FGF1: variants seen among roughly 807,000 people sequenced by gnomAD.
FGF1 encodes the protein fibroblast growth factor 1, also known as beta-endothelial cell growth factor.
A neutral mutation model predicts 13.4 loss-of-function variants in FGF1; 9 were observed. The ratio of observed to expected loss-of-function variants is 0.67; its 90% CI spans 0.40 to 1.17. The LOEUF is 1.17. Among genes scored for constraint, FGF1 ranks in the 50% most tolerant of loss-of-function variants. FGF1 has a pLI of 0.01. For missense variants in FGF1, 156 were observed against 192.7 expected, an observed-to-expected ratio of 0.81 and a Z score of 1.13; for synonymous variants, 93 against 79.0, an observed-to-expected ratio of 1.18 and a Z score of -0.94.
At chr5:142,676,866 C>G (rs1379266235) in intron 1 of FGF1, among the ~76,000 whole-genome samples, 1 of 152,166 alleles carries the variant, frequency 6.6e-6, no homozygotes, top group Non-Finnish European at 1.5e-5. Context: ...CACCCTGCAT[C>G]TCTGCCATTT....
chr5:142,613,833 T>C (rs953586941), intron 2 of FGF1, 126 bp downstream of exon 2: 11 of 1,000,788 alleles, frequency 1.1e-5, no homozygotes, highest in Non-Finnish European at 1.6e-5. Context: ...ACTCCACCTC[T>C]GAATGTGTCA....
intron 2 of FGF1, among the ~76,000 whole-genome samples, chr5:142,695,413 C>T (rs781491555): frequency 5.9e-5 from 9 of 151,948 alleles, no homozygotes; most frequent in Non-Finnish European, 1.2e-4. Context: ...AAAATCCTGT[C>T]TCTACTAAAA....
intron 2 of FGF1, among the ~76,000 whole-genome samples, chr5:142,611,581 A>C (rs1382536371): frequency 6.6e-6 from 1 of 152,212 alleles, no homozygotes; most frequent in Non-Finnish European, 1.5e-5. Context: ...CCAGGTAGAA[A>C]GGGGCAGAGT....
In FGF1 at chr5:142,605,341, A is replaced by C. The variant is rs561336810; in HGVS notation, c.170-4536T>G. Among the ~76,000 whole-genome samples the C allele has an allele frequency of 4.2e-5, 6 of 142,342 alleles. No homozygotes were observed. The South Asian group carries it at 1.3e-3, about 32-fold the overall frequency. The allele number at this position is 142,342 out of a possible 152,430, so 93.4% of individuals were successfully genotyped here. On this transcript the variant is annotated intron_variant, in intron 2 of 3. Coordinates refer to ENST00000337706, the MANE Select transcript of FGF1 (RefSeq NM_000800.5). Reference sequence around the variant, plus strand: ...TCATCATGTTGGCCAGGATGGTCTTAAACTCCTGACTTCAGGCGATCCACC... The same window carrying C: ...TCATCATGTTGGCCAGGATGGTCTTCAACTCCTGACTTCAGGCGATCCACC...
At chr5:142,633,260 C>T (rs1270233711) in intron 1 of FGF1, among the ~76,000 whole-genome samples, 1 of 152,156 alleles carries the variant, frequency 6.6e-6, no homozygotes, top group African/African-American at 2.4e-5. Context: ...TATCCCATTA[C>T]TTCCTTGGGA....
chr5:142,602,216 G>A (rs534927039), intron 2 of FGF1, among the ~76,000 whole-genome samples: 3 of 149,742 alleles, frequency 2.0e-5, no homozygotes, highest in Non-Finnish European at 4.4e-5. Flanking sequence ...TTGTTCTGTT[G>A]CCCAGGCTGA....
rs903644629 is a variant in FGF1, at chr5:142,678,022, C to T, written c.-35+7935G>A. Among the ~76,000 whole-genome samples the T allele has an allele frequency of 2.6e-5, 4 of 152,232 alleles. 1 individual carries two copies. On this transcript the variant is annotated intron_variant, in intron 1 of 3. Transcript: ENST00000337706. Reference sequence around the variant, plus strand: ...GCTACCTGAAGAACTGGGGGGAAAGCATCCCAGGCAGATGAAACAGCAGTT... The same window carrying T: ...GCTACCTGAAGAACTGGGGGGAAAGTATCCCAGGCAGATGAAACAGCAGTT...
intron 1 of FGF1, among the ~76,000 whole-genome samples, chr5:142,617,783 G>T (rs1377177086): frequency 6.6e-6 from 1 of 152,110 alleles, no homozygotes; most frequent in Non-Finnish European, 1.5e-5. Context: ...AACCCCAGGG[G>T]CATGAAAAGC....
intron 1 of FGF1, among the ~76,000 whole-genome samples, chr5:142,615,350 A>G (rs1760010106): frequency 6.6e-6 from 1 of 152,080 alleles, no homozygotes; most frequent in Non-Finnish European, 1.5e-5. Flanking sequence ...TAGCCTCCCA[A>G]GTAGCTGAGA....
upstream of FGF1, among the ~76,000 whole-genome samples, chr5:142,688,969 A>C (rs1751703118): frequency 6.6e-6 from 1 of 152,244 alleles, no homozygotes; most frequent in Admixed American, 6.5e-5. Context: ...AATCAGACAT[A>C]TAACTATCAC....
upstream of FGF1, among the ~76,000 whole-genome samples, chr5:142,689,705 T>TC (rs1157881365): frequency 6.7e-6 from 1 of 149,238 alleles, no homozygotes; most frequent in Non-Finnish European, 1.5e-5. Flanking sequence ...TTTTTTTTTT[T>TC]TTTTTTTTTC....
intron 1 of FGF1, among the ~76,000 whole-genome samples, chr5:142,675,863 C>T (rs114758896): frequency 3.0e-3 from 458 of 152,292 alleles, no homozygotes; most frequent in African/African-American, 0.01. Flanking sequence ...ATTTTCAAAA[C>T]GTACATATAT....
rs556769259 is a variant in FGF1 at position 142,640,431 on chromosome 5, G to T, written c.-34-26270C>A. 1.1e-4 allele frequency among the ~76,000 whole-genome samples: 17 copies of T among 149,996 alleles called. 1 individual carries two copies. The highest frequency in any genetic ancestry group is 3.3e-4 in the Admixed American group (5 of 15,060). On this transcript the variant is annotated intron_variant, in intron 1 of 3. Coordinates refer to ENST00000337706, the MANE Select transcript of FGF1 (RefSeq NM_000800.5). ...CACCAGGAGGTGGAGTATGGTGGGGGGGGGGGTCTCTCTGAGAAGCGGCAT... is the reference window on the plus strand; with the variant it reads ...CACCAGGAGGTGGAGTATGGTGGGGTGGGGGGTCTCTCTGAGAAGCGGCAT...
chr5:142,670,177 C>T (rs1771182371), intron 1 of FGF1, among the ~76,000 whole-genome samples: 1 of 152,174 alleles, frequency 6.6e-6, no homozygotes, highest in Non-Finnish European at 1.5e-5. Context: ...TTTCCTACTT[C>T]CCAGCTAGGA....
At chr5:142,681,617 T>G (rs1298238015) in intron 1 of FGF1, among the ~76,000 whole-genome samples, 1 of 152,168 alleles carries the variant, frequency 6.6e-6, no homozygotes, top group Non-Finnish European at 1.5e-5. Flanking sequence ...TATCATCTGG[T>G]GCTGAATTCC....
intron 2 of FGF1, among the ~76,000 whole-genome samples, chr5:142,694,129 ATC>A (rs899404997): frequency 6.8e-6 from 1 of 147,520 alleles, no homozygotes; most frequent in African/African-American, 2.5e-5. Context: ...CTATCTATCT[ATC>A]TATCTATGTC....
At chr5:142,637,479 T>TC (rs1764467709) in intron 1 of FGF1, among the ~76,000 whole-genome samples, 1 of 151,636 alleles carries the variant, frequency 6.6e-6, no homozygotes. Context: ...GCCACCACAC[T>TC]CAGCTAATTT....
intron 1 of FGF1, among the ~76,000 whole-genome samples, chr5:142,667,275 C>T (rs766195314): frequency 2.5e-4 from 37 of 149,470 alleles, no homozygotes; most frequent in Non-Finnish European, 4.4e-4. Context: ...CAGAGCGAGA[C>T]TCGGTCTCAA....
At chr5:142,690,854 G>A (rs1291783145), upstream of FGF1, among the ~76,000 whole-genome samples, 2 of 152,222 alleles carry the variant, frequency 1.3e-5, no homozygotes, top group East Asian at 3.9e-4. Flanking sequence ...ATTGCTCACC[G>A]TGCTCCAGTC....
Sources: gnomAD v4.1 joint callset for allele counts (sites outside exome capture counted in the v4.1 genomes callset) on GRCh38, gnomAD v4.1.1 for gene constraint, MANE v1.5 for transcripts, NCBI Gene and HGNC (gene_info 2026-07-23, HGNC 2026-07-21) for gene names.